Variants in ASB13 observed in about 807,000 individuals in gnomAD.
ASB13 encodes the protein ankyrin repeat and SOCS box protein 13.
A neutral mutation model predicts 28.8 loss-of-function variants in ASB13; 33 were observed. The ratio of observed to expected loss-of-function variants is 1.15; its 90% CI spans 0.87 to 1.53. The LOEUF (loss-of-function observed/expected upper bound fraction) is 1.53, where lower values mean the gene tolerates loss of function less well. Among genes scored for constraint, ASB13 ranks in the 40% most tolerant of loss-of-function variants. The pLI, the probability that ASB13 is intolerant of heterozygous loss-of-function variation, is 0.00. For synonymous variants in ASB13, 182 were observed against 172.9 expected, an observed-to-expected ratio of 1.05 and a Z score of -0.41; for missense variants, 414 against 390.1, an observed-to-expected ratio of 1.06 and a Z score of -0.52.
chr10:5,663,466 G>C lies in ASB13; in HGVS notation c.43+3043C>G, dbSNP rs1835206875. Among the ~76,000 whole-genome samples, 1 of 152,142 alleles carries C rather than the reference G, an allele frequency of 6.6e-6. No homozygotes were observed. Among genetic ancestry groups the C allele is most frequent in the South Asian group, 2.1e-4 (1 of 4,830 alleles). On this transcript the variant is annotated intron_variant, in intron 1 of 5. Transcript: ENST00000357700. This position sits in a 1 kb window ranked among gnomAD's most constrained non-coding sequence, Gnocchi z 4.9. The stretch of plus-strand genomic sequence containing the variant: ...GGTCCACCCCAAAGGCTATGGCCCA[G>C]GGAGCATGGGGAGGGTCCCCCAGTC...
rs188427524 is a variant in ASB13 at position 5,649,511 on chromosome 10, C to T, written c.383-407G>A. 7.8e-4 allele frequency among the ~76,000 whole-genome samples: 119 copies of T among 151,852 alleles called. 2 individuals carry two copies. The highest frequency in any genetic ancestry group is 5.8e-3 in the South Asian group (28 of 4,814). On this transcript the variant is annotated intron_variant, in intron 3 of 5. Transcript: ENST00000357700. The surrounding 1 kb of genome is among the most constrained non-coding windows in gnomAD (Gnocchi z 6.4). ...ATGCAGGTCATCCTCCTGTGCACCA[C>T]GGCAGCCGCCTCTCCTGCCTCTTTT...
Position 5,652,606 on chromosome 10 carries a change from G to T in ASB13, c.231+257C>A, listed in dbSNP as rs1461739959. Among the ~76,000 whole-genome samples the T allele has an allele frequency of 6.6e-6, 1 of 152,204 alleles. No homozygotes were observed. The highest frequency in any genetic ancestry group is 1.9e-4 in the East Asian group (1 of 5,192). ...TGAGAGAGCCTGTGTCTAGGCTGCG[G>T]CCAGCCTGCTGGCTCCTGCCCACCA... is the stretch of plus-strand genomic sequence containing the variant. On this transcript the variant is annotated intron_variant, in intron 2 of 5. Transcript: ENST00000357700. This position sits in a 1 kb window ranked among gnomAD's most constrained non-coding sequence, Gnocchi z 5.0.
chr10:5,655,873 G>A lies in ASB13; in HGVS notation c.44-2823C>T, dbSNP rs549221272. ...AGGAGGCCACCTGAGCCGGGAAGGCGCGTTCCCGACGTGCCTCCATTCACA... is the reference window on the plus strand; with the variant it reads ...AGGAGGCCACCTGAGCCGGGAAGGCACGTTCCCGACGTGCCTCCATTCACA... On this transcript the variant is annotated intron_variant, in intron 1 of 5. Transcript: ENST00000357700. This position sits in a 1 kb window ranked among gnomAD's most constrained non-coding sequence, Gnocchi z 6.2. Among the ~76,000 whole-genome samples the A allele has an allele frequency of 6.6e-6, 1 of 152,342 alleles. No individual in the cohort carries two copies. Among genetic ancestry groups the A allele is most frequent in the East Asian group, 1.9e-4 (1 of 5,182 alleles).
In ASB13 at chr10:5,652,209, A is replaced by C. The variant is rs748899861; in HGVS notation, c.231+654T>G. 1.3e-5 allele frequency among the ~76,000 whole-genome samples: 2 copies of C among 152,080 alleles called. No homozygotes were observed. The highest frequency in any genetic ancestry group is 2.9e-5 in the Non-Finnish European group (2 of 68,026). Reference sequence around the variant, plus strand: ...AAATTCAAATTCTATTTGGGTACACACTGAAATCGGTTCCATTCCAACCTT... The same window carrying C: ...AAATTCAAATTCTATTTGGGTACACCCTGAAATCGGTTCCATTCCAACCTT... On this transcript the variant is annotated intron_variant, in intron 2 of 5. Coordinates refer to ENST00000357700, the MANE Select transcript of ASB13 (RefSeq NM_024701.4). This position sits in a 1 kb window ranked among gnomAD's most constrained non-coding sequence, Gnocchi z 5.0.
chr10:5,652,865 G>T lies in ASB13; in HGVS notation c.229C>A (p.Gln77Lys). The T allele has an allele frequency of 6.5e-7, 1 of 1,540,852 alleles. No individual in the cohort carries two copies. The highest frequency in any genetic ancestry group is 2.4e-5 in the East Asian group (1 of 42,240). ...GTCTGCCCTGAAGGGCCACTCACCTGGGCCCCAGCCGCCAGCAGCAGCTGC... is the reference window on the plus strand; with the variant it reads ...GTCTGCCCTGAAGGGCCACTCACCTTGGCCCCAGCCGCCAGCAGCAGCTGC... ...CVQLLLAAGA[Q>K]VDARNIDGST... The change falls in exon 2 of 6, where the codon CAG becomes AAG. Residue 77 changes from glutamine (Q) to lysine (K), a missense_variant and splice_region_variant. Gln to Lys is a moderately conservative substitution (Grantham distance 53). Transcript: ENST00000357700. This position sits in a 1 kb window ranked among gnomAD's most constrained non-coding sequence, Gnocchi z 5.0.
At chr10:5,662,134 A>G (rs1196713935) in intron 1 of ASB13, among the ~76,000 whole-genome samples, 1 of 152,162 alleles carries the variant, frequency 6.6e-6, no homozygotes, top group Non-Finnish European at 1.5e-5. Flanking sequence ...GGAAAAGTCA[A>G]GAGTCCTGAG....
At chr10:5,653,172 C>T in intron 1 of ASB13, 122 bp from the exon 2 acceptor site, 1 of 1,063,936 alleles carries the variant, frequency 9.4e-7, no homozygotes, top group Non-Finnish European at 1.3e-6. Context: ...GCAATTGTCC[C>T]AGCACTTCTA....
chr10:5,646,700 G>A (rs1213158220), intron 4 of ASB13, among the ~76,000 whole-genome samples: 2 of 152,168 alleles, frequency 1.3e-5, no homozygotes, highest in African/African-American at 4.8e-5. Context: ...TACTCGCAAA[G>A]GTGTCCAACT....
rs1554742318 is a variant in ASB13 at position 5,649,730 on chromosome 10, G to GT, written c.383-627dup. 3.0e-5 allele frequency among the ~76,000 whole-genome samples: 4 copies of GT among 133,614 alleles called. No homozygotes were observed. The highest frequency in any genetic ancestry group is 1.5e-4 in the Admixed American group (2 of 13,758). The allele number at this position is 133,614 out of a possible 152,430, so 87.7% of individuals were successfully genotyped here. ...TTTAGTAGAGACAGGGTTTCACCATGTGCCAGGCTGGTCTCAAACTCCTGA... is the reference window on the plus strand; with the variant it reads ...TTTAGTAGAGACAGGGTTTCACCATGTTGCCAGGCTGGTCTCAAACTCCTGA... On this transcript the variant is annotated intron_variant, in intron 3 of 5. Coordinates refer to ENST00000357700, the MANE Select transcript of ASB13 (RefSeq NM_024701.4). The surrounding 1 kb of genome is among the most constrained non-coding windows in gnomAD (Gnocchi z 6.4).
rs1057438534 is a variant in ASB13 at position 5,661,186 on chromosome 10, G to A, written c.43+5323C>T. On this transcript the variant is annotated intron_variant, in intron 1 of 5. Coordinates refer to ENST00000357700, the MANE Select transcript of ASB13 (RefSeq NM_024701.4). The surrounding 1 kb of genome is among the most constrained non-coding windows in gnomAD (Gnocchi z 4.9). ...CCTGTGTCTAGGAGGCAGCTGGCCT[G>A]CTGGCCCCTGCACACTGCAGAGCTG... is the stretch of plus-strand genomic sequence containing the variant. 2.0e-5 allele frequency among the ~76,000 whole-genome samples: 3 copies of A among 152,084 alleles called. No individual in the cohort carries two copies. Among genetic ancestry groups the A allele is most frequent in the Admixed American group, 6.6e-5 (1 of 15,266 alleles).
At position 5,661,895 on chromosome 10, in the gene ASB13, C is replaced by A. The variant is rs767752165; in HGVS notation, c.43+4614G>T. On this transcript the variant is annotated intron_variant, in intron 1 of 5. Transcript: ENST00000357700. The surrounding 1 kb of genome is among the most constrained non-coding windows in gnomAD (Gnocchi z 4.9). ...CCTGGCTGCAGAAATGTCATTTCTG[C>A]GTCAAAAACAACCAGCAGCCTCTGT... Among the ~76,000 whole-genome samples, 4 of 152,156 alleles carry A rather than the reference C, an allele frequency of 2.6e-5. No homozygotes were observed. The highest frequency in any genetic ancestry group is 4.4e-5 in the Non-Finnish European group (3 of 68,032).
In ASB13 at chr10:5,666,496, C is replaced by A; in HGVS notation, c.43+13G>T. 7.7e-7 allele frequency: 1 copy of A among 1,294,658 alleles called. No individual in the cohort carries two copies. The highest frequency in any genetic ancestry group is 2.1e-5 in the South Asian group (1 of 46,516). 80.2% of individuals were successfully genotyped at this position (1,294,658 alleles called of 1,614,324 possible). A position where few individuals can be genotyped will look rare whatever the true frequency, so the allele number is the denominator to read the frequency against. On this transcript the variant is annotated intron_variant, in intron 1 of 5. Transcript: ENST00000357700. ...CGCTGCCTCGCTCTGACCTCCGCGG[C>A]GCCCGCACGTACCCACGTCGCCCAG...
In ASB13 at chr10:5,652,926, C is replaced by T; in HGVS notation, c.168G>A (p.Leu56=). 1 of 1,584,242 alleles carries T rather than the reference C, an allele frequency of 6.3e-7. No individual in the cohort carries two copies. The highest frequency in any genetic ancestry group is 1.8e-5 in the Admixed American group (1 of 55,456). ...CCTGGCCCTGCAGACTGGCTGCGTG[C>T]AGGGGCGTGATGGAGTCCACGGTGA... ...NQVTVDSITP[L]HAASLQGQAR... Residue 56 remains leucine, a synonymous_variant, in exon 2 of 6, where the codon CTG becomes CTA. Coordinates refer to ENST00000357700, the MANE Select transcript of ASB13 (RefSeq NM_024701.4). The surrounding 1 kb of genome is among the most constrained non-coding windows in gnomAD (Gnocchi z 5.0).
intron 4 of ASB13, among the ~76,000 whole-genome samples, chr10:5,648,023 T>G (rs143867245): frequency 2.6e-3 from 266 of 101,714 alleles, no homozygotes; most frequent in Middle Eastern, 0.012. Context: ...AAACACCCAC[T>G]CAGGTAAACA....
At position 5,649,640 on chromosome 10, in the gene ASB13, C is replaced by A. The variant is rs1411516700; in HGVS notation, c.383-536G>T. 1.3e-5 allele frequency among the ~76,000 whole-genome samples: 2 copies of A among 151,190 alleles called. No individual in the cohort carries two copies. Among genetic ancestry groups the A allele is most frequent in the African/African-American group, 4.9e-5 (2 of 40,572 alleles). ...TCCCGGGTTAAAGCGATTCTCCCACCTCAGCCTCCCAAATAGCTGGAATTA... is the reference window on the plus strand; with the variant it reads ...TCCCGGGTTAAAGCGATTCTCCCACATCAGCCTCCCAAATAGCTGGAATTA... On this transcript the variant is annotated intron_variant, in intron 3 of 5. Coordinates refer to ENST00000357700, the MANE Select transcript of ASB13 (RefSeq NM_024701.4). The surrounding 1 kb of genome is among the most constrained non-coding windows in gnomAD (Gnocchi z 6.4).
rs947831637 is a variant in ASB13, at chr10:5,656,280, C to T, written c.44-3230G>A. On this transcript the variant is annotated intron_variant, in intron 1 of 5. Coordinates refer to ENST00000357700, the MANE Select transcript of ASB13 (RefSeq NM_024701.4). The surrounding 1 kb of genome is among the most constrained non-coding windows in gnomAD (Gnocchi z 4.3). ...TCTGACTGGTCAAGGTGGTTCAAGC[C>T]TGTAATCCCAGCACTTTGGGAGGCC... Among the ~76,000 whole-genome samples the T allele has an allele frequency of 3.3e-5, 5 of 152,238 alleles. No homozygotes were observed. The highest frequency in any genetic ancestry group is 9.6e-5 in the African/African-American group (4 of 41,454).
rs1340180653 is a variant in ASB13 at position 5,641,148 on chromosome 10, C to A, written c.710-318G>T. Reference sequence around the variant, plus strand: ...AGAATCTCTTACTCTGTCACCCAGGCTGGAGTGCAGCGGCACAATCTCAGC... The same window carrying A: ...AGAATCTCTTACTCTGTCACCCAGGATGGAGTGCAGCGGCACAATCTCAGC... On this transcript the variant is annotated intron_variant, in intron 5 of 5. Coordinates refer to ENST00000357700, the MANE Select transcript of ASB13 (RefSeq NM_024701.4). The surrounding 1 kb of genome is among the most constrained non-coding windows in gnomAD (Gnocchi z 8.4). 6.6e-6 allele frequency among the ~76,000 whole-genome samples: 1 copy of A among 152,180 alleles called. No homozygotes were observed. Among genetic ancestry groups the A allele is most frequent in the Non-Finnish European group, 1.5e-5 (1 of 68,018 alleles).
At chr10:5,662,565 GGAGAAGAGAAGAGAAGAGAAGAGAA>G (rs1191915063) in intron 1 of ASB13, among the ~76,000 whole-genome samples, 10 of 14,586 alleles carry the variant, frequency 6.9e-4, no homozygotes, top group Non-Finnish European at 7.6e-4. Flanking sequence ...GGAGGGGAGG[GGAGAAGAGAAGAGAAGAGAAGAGAA>G]GAGAAGAGAA....
chr10:5,643,065 C>T (rs1032642534), intron 4 of ASB13, among the ~76,000 whole-genome samples: 2 of 152,100 alleles, frequency 1.3e-5, no homozygotes, highest in Non-Finnish European at 2.9e-5. Flanking sequence ...AAGTCTGTTC[C>T]TCAAGTAACA....
Sources: allele counts gnomAD v4.1 joint callset (sites outside exome capture counted in the v4.1 genomes callset), GRCh38; gene constraint gnomAD v4.1.1; non-coding constraint Gnocchi (gnomAD v3.1); transcripts MANE v1.5; gene names NCBI Gene and HGNC (gene_info 2026-07-23, HGNC 2026-07-21).